Variants in TRAPPC10 observed in about 807,000 individuals in gnomAD.
TRAPPC10 encodes trafficking protein particle complex subunit 10.
A neutral mutation model predicts 125.5 loss-of-function variants in TRAPPC10; 23 were observed. The observed-to-expected ratio is 0.18, with a 90% CI of 0.13 to 0.26. The LOEUF is 0.26. Ranked by LOEUF, TRAPPC10 falls within the 10% of genes least tolerant of loss-of-function variation. TRAPPC10 has a pLI of 1.00. For synonymous variants in TRAPPC10, 509 were observed against 518.0 expected (o/e 0.98, Z 0.24); for missense variants, 1,123 against 1,308.4 (o/e 0.86, Z 2.19).
intron 1 of TRAPPC10, among the ~76,000 whole-genome samples, chr21:44,025,695 C>T (rs2032975280): frequency 6.6e-6 from 1 of 152,116 alleles, no homozygotes; most frequent in Admixed American, 6.5e-5. Flanking sequence ...GTAGTAGTTC[C>T]TTTTCTGCAA....
intron 13 of TRAPPC10, among the ~76,000 whole-genome samples, chr21:44,080,755 T>G (rs1020149163): frequency 7.2e-5 from 11 of 152,012 alleles, no homozygotes; most frequent in Admixed American, 5.9e-4. Context: ...GCCAGGCTGG[T>G]CTCAGACTCC....
intron 3 of TRAPPC10, among the ~76,000 whole-genome samples, chr21:44,051,834 T>C (rs2035252639): frequency 6.6e-6 from 1 of 152,186 alleles, no homozygotes; most frequent in Admixed American, 6.5e-5. Flanking sequence ...CTGTGGGCAG[T>C]CTGGGCTGTG....
chr21:44,053,775 G>A (rs566251396), intron 4 of TRAPPC10, among the ~76,000 whole-genome samples: 34 of 152,318 alleles, frequency 2.2e-4, no homozygotes, highest in African/African-American at 7.0e-4. Flanking sequence ...AGCCCCTGCA[G>A]TCTGCGCGCC....
intron 13 of TRAPPC10, among the ~76,000 whole-genome samples, chr21:44,080,835 A>T (rs1186416786): frequency 1.3e-5 from 2 of 149,432 alleles, no homozygotes; most frequent in Non-Finnish European, 3.0e-5. Context: ...CACCGCACCC[A>T]GTCTTTTTCT....
At chr21:44,015,845 C>T (rs571374088) in intron 1 of TRAPPC10, among the ~76,000 whole-genome samples, 3 of 151,968 alleles carry the variant, frequency 2.0e-5, no homozygotes, top group Non-Finnish European at 4.4e-5. Flanking sequence ...AACTCCTGAC[C>T]TCAGGTGACC....
At chr21:44,039,691 C>T (rs1334682358) in intron 3 of TRAPPC10, among the ~76,000 whole-genome samples, 2 of 152,162 alleles carry the variant, frequency 1.3e-5, no homozygotes, top group Non-Finnish European at 2.9e-5. Flanking sequence ...ATGGTGAAAC[C>T]CCGTCTCTAC....
Position 44,082,967 on chromosome 21 carries a change from A to G in TRAPPC10, c.1903A>G (p.Lys635Glu). 1 of 1,614,102 alleles carries G rather than the reference A, an allele frequency of 6.2e-7. No homozygotes were observed. Residue 635 changes from lysine to glutamate, a missense_variant, in exon 14 of 23, where the codon AAA (lysine) becomes GAA (glutamate). Physicochemically the swap from Lys to Glu is moderately conservative, Grantham distance 56. Around this residue, in one of 4 missense-constraint regions of TRAPPC10, gnomAD observed 840 missense variants for 902.0 expected, o/e 0.93. Coordinates refer to ENST00000291574, the MANE Select transcript of TRAPPC10 (RefSeq NM_003274.5). This position sits in a 1 kb window ranked among gnomAD's most constrained non-coding sequence, Gnocchi z 4.4. ...IVVNVHFSIE[K>E]NSYRKTAEWL... ...GGTCAATGTCCACTTCAGCATTGAG[A>G]AAAACAGCTACCGGAAGACTGCGGA...
chr21:44,072,373 G>A (rs985186546), intron 7 of TRAPPC10, among the ~76,000 whole-genome samples: 4 of 152,196 alleles, frequency 2.6e-5, no homozygotes, highest in Non-Finnish European at 4.4e-5. Flanking sequence ...TGTGGCTCCT[G>A]GGCTTTATCT....
chr21:44,044,401 T>A (rs915632417), intron 3 of TRAPPC10, among the ~76,000 whole-genome samples: 3 of 151,976 alleles, frequency 2.0e-5, no homozygotes, highest in Non-Finnish European at 2.9e-5. Flanking sequence ...AAAGTAAAAC[T>A]CTGTTATGTT....
At position 44,067,639 on chromosome 21, in the gene TRAPPC10, G is replaced by A. The variant is rs938258700; in HGVS notation, c.1038+3854G>A. On this transcript the variant is annotated intron_variant, in intron 7 of 22. Transcript: ENST00000291574. ...TGAAGAGGAAAGGGCCCCACCTACC[G>A]GCATGAGGTGCCACGGGTCATCAGC... 1.3e-5 allele frequency among the ~76,000 whole-genome samples: 2 copies of A among 152,290 alleles called. 1 individual carries two copies. The highest frequency in any genetic ancestry group is 4.1e-4 in the South Asian group (2 of 4,828).
At chr21:44,048,791 C>A (rs1316798304) in intron 3 of TRAPPC10, among the ~76,000 whole-genome samples, 4 of 149,368 alleles carry the variant, frequency 2.7e-5, no homozygotes, top group African/African-American at 9.9e-5. Flanking sequence ...ACCATGCCCA[C>A]CCTGTGTTTT....
In TRAPPC10 at chr21:44,087,729, A is replaced by G; in HGVS notation, c.2570A>G (p.Gln857Arg). The G allele has an allele frequency of 6.2e-7, 1 of 1,614,084 alleles. No individual in the cohort carries two copies. Among genetic ancestry groups the G allele is most frequent in the Non-Finnish European group, 8.5e-7 (1 of 1,180,054 alleles). ...EQSSEAALRI[Q>R]SSDKVTSISL... ...TCTTCTGAGGCCGCGCTCCGGATTC[A>G]GTCCTCCGACAAGGTCACGAGCATC... The change falls in exon 17 of 23, where the codon CAG becomes CGG. Residue 857 changes from glutamine to arginine, a missense_variant. By Grantham distance (43) the Gln-to-Arg change is conservative (BLOSUM62 1). This residue lies in a region of TRAPPC10 where 840 missense variants were observed against 902.0 expected (regional missense o/e 0.93). Coordinates refer to ENST00000291574, the MANE Select transcript of TRAPPC10 (RefSeq NM_003274.5). The surrounding 1 kb of genome is among the most constrained non-coding windows in gnomAD (Gnocchi z 4.6).
At position 44,101,227 on chromosome 21, in the gene TRAPPC10, A is replaced by T. The variant is rs1260114631; in HGVS notation, c.3347-1551A>T. 5.8e-5 allele frequency among the ~76,000 whole-genome samples: 4 copies of T among 68,406 alleles called. 1 individual carries two copies. The highest frequency in any genetic ancestry group is 1.3e-4 in the African/African-American group (4 of 31,450). 44.9% of individuals were successfully genotyped at this position (68,406 alleles called of 152,430 possible). A position where few individuals can be genotyped will look rare whatever the true frequency, so the allele number is the denominator to read the frequency against. On this transcript the variant is annotated intron_variant, in intron 21 of 22. Transcript: ENST00000291574. Reference sequence around the variant, plus strand: ...GCTTGGGTGGAAGAATGGTGAAATCATTGATGCTTTATGAAAAGTTTATGA... The same window carrying T: ...GCTTGGGTGGAAGAATGGTGAAATCTTTGATGCTTTATGAAAAGTTTATGA...
intron 3 of TRAPPC10, among the ~76,000 whole-genome samples, 161 bp downstream of exon 3, chr21:44,038,088 G>A (rs79039769): frequency 0.013 from 2,028 of 152,264 alleles, 21 homozygotes; most frequent in Middle Eastern, 0.024. Flanking sequence ...AGGACGCGCG[G>A]TGGGATGGGG....
chr21:44,090,447 C>CA (rs2038496627), intron 18 of TRAPPC10, among the ~76,000 whole-genome samples: 1 of 152,196 alleles, frequency 6.6e-6, no homozygotes, highest in Admixed American at 6.5e-5. Context: ...AGCAGCACCC[C>CA]AGGCTCTCCC....
chr21:44,062,471 G>T lies in TRAPPC10; in HGVS notation c.791-1067G>T, dbSNP rs914508625. 3.4e-6 allele frequency: 3 copies of T among 891,108 alleles called. No homozygotes were observed. In the African/African-American group the frequency reaches 5.4e-5, roughly 16 times the overall value. 55.2% of individuals were successfully genotyped at this position (891,108 alleles called of 1,614,324 possible). A position where few individuals can be genotyped will look rare whatever the true frequency, so the allele number is the denominator to read the frequency against. ...GGAGCTTAGATAGGGCACTGGAGTGGCCTCCCTGTGGGGGCGGCACTGGCA... is the reference window on the plus strand; with the variant it reads ...GGAGCTTAGATAGGGCACTGGAGTGTCCTCCCTGTGGGGGCGGCACTGGCA... On this transcript the variant is annotated intron_variant, in intron 6 of 22. Transcript: ENST00000291574.
chr21:44,084,336 G>C (rs2037975947), intron 15 of TRAPPC10, 73 bp downstream of exon 15: 10 of 1,462,014 alleles, frequency 6.8e-6, no homozygotes, highest in Non-Finnish European at 9.2e-6. Context: ...GAGATGCCAG[G>C]CTTCTCATAA....
intron 18 of TRAPPC10, 123 bp downstream of exon 18, chr21:44,090,056 C>T (rs2146194039): frequency 1.5e-6 from 1 of 659,196 alleles, no homozygotes; most frequent in Non-Finnish European, 2.6e-6. Context: ...ACCACAAGGC[C>T]ATTGTTTGTG....
chr21:44,039,936 T>A (rs1425824215), intron 3 of TRAPPC10, among the ~76,000 whole-genome samples: 3 of 152,226 alleles, frequency 2.0e-5, no homozygotes, highest in Non-Finnish European at 4.4e-5. Flanking sequence ...CTTTCTTGCC[T>A]CTCATTTATT....
Sources: gnomAD v4.1 joint callset for allele counts (sites outside exome capture counted in the v4.1 genomes callset) on GRCh38, gnomAD v4.1.1 for gene constraint, gnomAD v4.1.1 regional missense constraint, Gnocchi (gnomAD v3.1) non-coding constraint, MANE v1.5 for transcripts, NCBI Gene and HGNC (gene_info 2026-07-23, HGNC 2026-07-21) for gene names.